MCC: variants seen among roughly 807,000 people sequenced by gnomAD.
MCC encodes colorectal mutant cancer protein.
Under a neutral mutation model 116.2 loss-of-function variants are expected in MCC, and 90 were observed. That is an observed-to-expected ratio of 0.77 (90% CI 0.65 to 0.92). The LOEUF (loss-of-function observed/expected upper bound fraction) is 0.92. Among genes scored for constraint, MCC ranks in the 40% least tolerant of loss-of-function variants. The probability of loss-of-function intolerance (pLI) is 0.00; values close to 1 mark genes in which losing one functional copy is unlikely to be tolerated. For missense variants in MCC, 1,516 were observed against 1,312.2 expected (o/e 1.16, Z -2.40); for synonymous variants, 578 against 510.5 (o/e 1.13, Z -1.78).
At chr5:113,315,364 T>C (rs1767252640) in intron 3 of MCC, among the ~76,000 whole-genome samples, 4 of 152,166 alleles carry the variant, frequency 2.6e-5, no homozygotes, top group Admixed American at 2.6e-4. Flanking sequence ...ATGTATCTAG[T>C]GGGTGCTCAA....
chr5:113,063,928 G>A (rs1294084614), intron 14 of MCC, 56 bp downstream of exon 14: 4 of 1,543,826 alleles, frequency 2.6e-6, no homozygotes, highest in East Asian at 4.6e-5. Flanking sequence ...ACCAAGTCCA[G>A]TGAACAGATG....
At chr5:113,139,056 T>C (rs1759021270) in intron 5 of MCC, among the ~76,000 whole-genome samples, 1 of 152,162 alleles carries the variant, frequency 6.6e-6, no homozygotes, top group South Asian at 2.1e-4. Context: ...ATATCAGTTC[T>C]AGAGATCTCA....
chr5:113,470,740 T>C (rs1467533446), intron 1 of MCC, among the ~76,000 whole-genome samples: 6 of 135,840 alleles, frequency 4.4e-5, no homozygotes, highest in Admixed American at 8.0e-5. Context: ...CCTTGCTAGA[T>C]TGGGGAAGTT....
At chr5:113,400,186 G>A (rs1309131579) in intron 1 of MCC, among the ~76,000 whole-genome samples, 1 of 132,776 alleles carries the variant, frequency 7.5e-6, no homozygotes, top group Non-Finnish European at 1.5e-5. Flanking sequence ...GCAGTGGTGC[G>A]ATCTTGGCTC....
chr5:113,066,263 C>A (rs968143127), intron 13 of MCC, among the ~76,000 whole-genome samples: 7 of 152,204 alleles, frequency 4.6e-5, no homozygotes, highest in South Asian at 4.1e-4. Context: ...AGACACTCCG[C>A]TGATAACCAA....
At chr5:113,251,449 G>T (rs1307013497) in intron 3 of MCC, among the ~76,000 whole-genome samples, 1 of 152,182 alleles carries the variant, frequency 6.6e-6, no homozygotes, top group East Asian at 1.9e-4. Flanking sequence ...CTTGCAGTGT[G>T]ATCTCTATAG....
At chr5:113,099,019 A>G (rs1170907516) in intron 8 of MCC, among the ~76,000 whole-genome samples, 1 of 152,162 alleles carries the variant, frequency 6.6e-6, no homozygotes, top group Non-Finnish European at 1.5e-5. Flanking sequence ...CCTGAGGGAA[A>G]TAAAGCACAC....
At chr5:113,406,815 T>G (rs1365979434) in intron 1 of MCC, among the ~76,000 whole-genome samples, 3 of 152,178 alleles carry the variant, frequency 2.0e-5, no homozygotes, top group Non-Finnish European at 4.4e-5. Context: ...CCAGAAGTCC[T>G]GCATGCAGAG....
intron 1 of MCC, among the ~76,000 whole-genome samples, chr5:113,418,584 T>C (rs1328770570): frequency 6.6e-6 from 1 of 152,092 alleles, no homozygotes; most frequent in Non-Finnish European, 1.5e-5. Flanking sequence ...AATATCCACC[T>C]CAGAAGTGTA....
chr5:113,168,627 A>G (rs1211248376), intron 3 of MCC, among the ~76,000 whole-genome samples: 1 of 152,192 alleles, frequency 6.6e-6, no homozygotes, highest in African/African-American at 2.4e-5. Flanking sequence ...CCACAGGCAC[A>G]AAACCCTTGT....
At chr5:113,111,593 T>C (rs189348732) in intron 6 of MCC, among the ~76,000 whole-genome samples, 422 of 152,334 alleles carry the variant, frequency 2.8e-3, no homozygotes, top group Non-Finnish European at 4.3e-3. Flanking sequence ...CCACATTTAA[T>C]ATTAGAAGTG....
chr5:113,386,467 C>G (rs13187823), intron 1 of MCC, among the ~76,000 whole-genome samples: 21,333 of 152,086 alleles, frequency 0.14, 1,798 homozygotes, highest in Non-Finnish European at 0.2. Context: ...TCCCCTCCCC[C>G]ACCTCTGCCC....
At chr5:113,143,720 A>G (rs950702846) in intron 4 of MCC, among the ~76,000 whole-genome samples, 10 of 152,144 alleles carry the variant, frequency 6.6e-5, no homozygotes, top group African/African-American at 1.7e-4. Flanking sequence ...GGGGATTTCA[A>G]TCTTGAGCCA....
chr5:113,414,794 T>C (rs1339845682), intron 1 of MCC, among the ~76,000 whole-genome samples: 1 of 152,244 alleles, frequency 6.6e-6, no homozygotes, highest in East Asian at 1.9e-4. Flanking sequence ...TATGTGTGAA[T>C]GTGATCCTCA....
intron 1 of MCC, among the ~76,000 whole-genome samples, chr5:113,413,088 C>T (rs9687627): frequency 0.63 from 95,211 of 152,008 alleles, 32,500 homozygotes; most frequent in African/African-American, 0.91. Flanking sequence ...GATTTGCGTA[C>T]GTTGAACCAG....
intron 1 of MCC, among the ~76,000 whole-genome samples, chr5:113,486,618 C>A (rs935048137): frequency 6.6e-6 from 1 of 152,046 alleles, no homozygotes; most frequent in Non-Finnish European, 1.5e-5. Context: ...CCGAGGCGGG[C>A]GGATCACTTA....
chr5:113,231,576 T>G (rs1231961553), intron 3 of MCC, among the ~76,000 whole-genome samples: 1 of 152,156 alleles, frequency 6.6e-6, no homozygotes, highest in Non-Finnish European at 1.5e-5. Context: ...TACAGGCAAA[T>G]ATGTTAATGA....
chr5:113,132,423 C>CACATAT (rs1561384956), intron 5 of MCC, among the ~76,000 whole-genome samples: 1 of 130,188 alleles, frequency 7.7e-6, no homozygotes, highest in African/African-American at 3.2e-5. Flanking sequence ...TATATACACA[C>CACATAT]ATACATATAT....
chr5:113,274,013 G>T (rs1561498958), intron 3 of MCC, among the ~76,000 whole-genome samples: 1 of 152,184 alleles, frequency 6.6e-6, no homozygotes, highest in African/African-American at 2.4e-5. Context: ...CCTCTGCACA[G>T]AAAAACGCTG....
Sources: allele counts gnomAD v4.1 joint callset (sites outside exome capture counted in the v4.1 genomes callset), GRCh38; gene constraint gnomAD v4.1.1; transcripts MANE v1.5; gene names NCBI Gene and HGNC (gene_info 2026-07-23, HGNC 2026-07-21).